Variants in CENPP observed in about 807,000 individuals in gnomAD.
CENPP encodes centromere protein P.
Under a neutral mutation model 35.6 loss-of-function variants are expected in CENPP, and 24 were observed. That is an observed-to-expected ratio of 0.67 (90% CI 0.49 to 0.95). CENPP has a LOEUF of 0.95. CENPP is among the 40% of genes least tolerant of loss of function. The pLI is 0.00. For missense variants in CENPP, 332 were observed against 345.3 expected, an observed-to-expected ratio of 0.96 and a Z score of 0.31; for synonymous variants, 120 against 125.5, an observed-to-expected ratio of 0.96 and a Z score of 0.29.
intron 5 of CENPP, chr9:92,501,030 G>A: frequency 6.2e-7 from 1 of 1,613,720 alleles, no homozygotes; most frequent in Non-Finnish European, 8.5e-7. Flanking sequence ...CTTGTTGTAG[G>A]AGAGATCAAT....
chr9:92,394,894 A>C (rs747760852), intron 5 of CENPP, among the ~76,000 whole-genome samples: 4 of 152,190 alleles, frequency 2.6e-5, no homozygotes, highest in Admixed American at 2.0e-4. Flanking sequence ...GGTGTGAGCC[A>C]CCACGCCCGG....
intron 5 of CENPP, among the ~76,000 whole-genome samples, chr9:92,578,097 A>G (rs908888077): frequency 2.0e-5 from 3 of 151,614 alleles, no homozygotes; most frequent in South Asian, 2.1e-4. Context: ...ATTATTTCCA[A>G]TTTTATCCAT....
At position 92,442,398 on chromosome 9, in the gene CENPP, C is replaced by CAA. The variant is rs71362387; in HGVS notation, c.564+62556_564+62557dup. On this transcript the variant is annotated intron_variant, in intron 5 of 7. Transcript: ENST00000375587. ...GGACAACAAGAGTGAAACTCTGTCTCAAAAAAAAAAAAAAAAAAGAAAAAA... is the reference window on the plus strand; with the variant it reads ...GGACAACAAGAGTGAAACTCTGTCTCAAAAAAAAAAAAAAAAAAAAGAAAAAA... 7.8e-4 allele frequency among the ~76,000 whole-genome samples: 58 copies of CAA among 74,406 alleles called. 2 individuals are homozygous for CAA. The highest frequency in any genetic ancestry group is 1.9e-3 in the Admixed American group (12 of 6,210). The allele number at this position is 74,406 out of a possible 152,430, so 48.8% of individuals were successfully genotyped here.
chr9:92,466,291 G>A (rs1356612675), intron 5 of CENPP: 18 of 1,048,390 alleles, frequency 1.7e-5, no homozygotes, highest in South Asian at 8.9e-5. Flanking sequence ...TAATAGTGAC[G>A]ATAAAGTGTT....
chr9:92,449,349 A>G (rs1844635737), intron 5 of CENPP, among the ~76,000 whole-genome samples: 1 of 146,758 alleles, frequency 6.8e-6, no homozygotes, highest in Admixed American at 7.0e-5. Flanking sequence ...GCTGAGGCAG[A>G]ATGGCGTGAA....
chr9:92,592,739 G>A (rs1850695797), intron 5 of CENPP, among the ~76,000 whole-genome samples: 1 of 152,168 alleles, frequency 6.6e-6, no homozygotes, highest in Admixed American at 6.5e-5. Context: ...CAGTGTATGA[G>A]GGTTCCATTT....
chr9:92,601,098 A>G (rs1850905298), intron 5 of CENPP, among the ~76,000 whole-genome samples: 1 of 152,188 alleles, frequency 6.6e-6, no homozygotes, highest in South Asian at 2.1e-4. Flanking sequence ...ACGTCCAGGA[A>G]AGTTAGGCTA....
rs529456288 is a variant in CENPP at position 92,367,065 on chromosome 9, C to T, written c.468-12698C>T. ...GTAGCAGCACACATTCATAACAGAA[C>T]AAGAAATCATATCAGATTCTAAAAT... On this transcript the variant is annotated intron_variant, in intron 4 of 7. Coordinates refer to ENST00000375587, the MANE Select transcript of CENPP (RefSeq NM_001012267.3). Among the ~76,000 whole-genome samples, 9 of 152,314 alleles carry T rather than the reference C, an allele frequency of 5.9e-5. No individual in the cohort carries two copies. The South Asian group carries it at 6.2e-4, about 11-fold the overall frequency.
rs145236498 is a variant in CENPP, at chr9:92,447,393, T to A, written c.564+67534T>A. Among the ~76,000 whole-genome samples the A allele has an allele frequency of 5.0e-3, 754 of 151,890 alleles. 3 individuals carry two copies. Among genetic ancestry groups the A allele is most frequent in the Non-Finnish European group, 7.6e-3 (514 of 67,972 alleles). On this transcript the variant is annotated intron_variant, in intron 5 of 7. Coordinates refer to ENST00000375587, the MANE Select transcript of CENPP (RefSeq NM_001012267.3). ...TAGATTCTCATAAGGAGCATGCAAG[T>A]TAGATCCCTCACATGTGTGGTTCAT...
chr9:92,443,407 G>GAAT (rs1844471416), intron 5 of CENPP, among the ~76,000 whole-genome samples: 3 of 152,036 alleles, frequency 2.0e-5, no homozygotes, highest in Admixed American at 6.6e-5. Context: ...ACTTTTATCA[G>GAAT]AATACTACAA....
chr9:92,442,304 A>G (rs1323030132), intron 5 of CENPP, among the ~76,000 whole-genome samples: 3 of 150,212 alleles, frequency 2.0e-5, no homozygotes, highest in African/African-American at 7.3e-5. Flanking sequence ...AGGCTGACGC[A>G]GGAGAATCAG....
chr9:92,357,172 T>A (rs1390417391), intron 4 of CENPP, among the ~76,000 whole-genome samples: 2 of 152,060 alleles, frequency 1.3e-5, no homozygotes, highest in South Asian at 4.1e-4. Context: ...TAATTTCACA[T>A]GTATTTACCT....
chr9:92,579,408 C>T (rs1184139775), intron 5 of CENPP, among the ~76,000 whole-genome samples: 2 of 147,676 alleles, frequency 1.4e-5, no homozygotes, highest in Admixed American at 6.8e-5. Flanking sequence ...GCCATTTTCA[C>T]GATATTGATT....
chr9:92,472,763 G>A (rs1029934587), intron 5 of CENPP, among the ~76,000 whole-genome samples: 2 of 152,184 alleles, frequency 1.3e-5, no homozygotes, highest in African/African-American at 4.8e-5. Context: ...AAGGTAGGGT[G>A]CAGTTTTGTT....
chr9:92,391,386 A>G (rs2398749), intron 5 of CENPP, among the ~76,000 whole-genome samples: 135,622 of 152,084 alleles, frequency 0.89, 60,633 homozygotes, highest in East Asian at 0.95. Flanking sequence ...CAGCCTGGGC[A>G]ACAGAGTAAG....
At chr9:92,339,357 CT>C (rs1304882050) in intron 3 of CENPP, among the ~76,000 whole-genome samples, 1 of 152,196 alleles carries the variant, frequency 6.6e-6, no homozygotes, top group Non-Finnish European at 1.5e-5. Flanking sequence ...CAGATAGCCA[CT>C]CCCTAACTAG....
intron 5 of CENPP, among the ~76,000 whole-genome samples, chr9:92,583,942 A>G (rs78991714): frequency 0.011 from 1,728 of 152,352 alleles, 26 homozygotes; most frequent in African/African-American, 0.038. Context: ...GCAAAAACCA[A>G]GCTTTCTGTC....
At chr9:92,577,251 C>T (rs573471289) in intron 5 of CENPP, among the ~76,000 whole-genome samples, 13 of 152,168 alleles carry the variant, frequency 8.5e-5, no homozygotes, top group East Asian at 5.8e-4. Flanking sequence ...CAGTGGCTCA[C>T]GGCTGTAATC....
chr9:92,394,530 C>T (rs973772855), intron 5 of CENPP, among the ~76,000 whole-genome samples: 12 of 150,806 alleles, frequency 8.0e-5, no homozygotes, highest in Admixed American at 2.0e-4. Flanking sequence ...GGATTACAGA[C>T]GTGAGCCATC....
Sources: allele counts gnomAD v4.1 joint callset (sites outside exome capture counted in the v4.1 genomes callset), GRCh38; gene constraint gnomAD v4.1.1; transcripts MANE v1.5; gene names NCBI Gene and HGNC (gene_info 2026-07-23, HGNC 2026-07-21).